The following TEX10 variants were observed in gnomAD, a reference collection of about 807,000 sequenced individuals.
TEX10 encodes testis-expressed protein 10.
Under a neutral mutation model 104.4 loss-of-function variants are expected in TEX10, and 24 were observed. That is an observed-to-expected ratio of 0.23 (90% CI 0.17 to 0.32). The LOEUF (loss-of-function observed/expected upper bound fraction) is 0.32, where lower values mean the gene tolerates loss of function less well. Among genes scored for constraint, TEX10 ranks in the 10% least tolerant of loss-of-function variants. The probability of loss-of-function intolerance (pLI) is 1.00; values close to 1 mark genes in which losing one functional copy is unlikely to be tolerated. For synonymous variants in TEX10, 396 were observed against 393.4 expected, an observed-to-expected ratio of 1.01 and a Z score of -0.08; for missense variants, 921 against 1,083.9, an observed-to-expected ratio of 0.85 and a Z score of 2.11.
chr9:100,308,950 T>A (rs1329248339), intron 12 of TEX10, among the ~76,000 whole-genome samples: 51 of 152,180 alleles, frequency 3.4e-4, no homozygotes, highest in Non-Finnish European at 4.4e-5. Flanking sequence ...TTCTAAATGT[T>A]CTATAAAATG....
intron 5 of TEX10, among the ~76,000 whole-genome samples, chr9:100,339,770 C>T (rs1835124967): frequency 6.6e-6 from 1 of 151,744 alleles, no homozygotes; most frequent in South Asian, 2.1e-4. Flanking sequence ...AATTTCTAGG[C>T]TTACTTTTTT....
In TEX10 at chr9:100,326,744, G is replaced by A. The variant is rs143260750; in HGVS notation, c.1802-265C>T. On this transcript the variant is annotated intron_variant, in intron 8 of 14. Coordinates refer to ENST00000374902, the MANE Select transcript of TEX10 (RefSeq NM_017746.4). Reference sequence around the variant, plus strand: ...TTGTTAGAAATAAAAACTTTCAGGGGGGTAATAAGGAAAAGAGATTGAATG... The same window carrying A: ...TTGTTAGAAATAAAAACTTTCAGGGAGGTAATAAGGAAAAGAGATTGAATG... Among the ~76,000 whole-genome samples the A allele has an allele frequency of 1.2e-3, 185 of 152,138 alleles. 5 individuals carry two copies. In the East Asian group the frequency reaches 0.032, roughly 26 times the overall value.
chr9:100,326,555 A>G, intron 8 of TEX10, 76 bp from the exon 9 acceptor site: 1 of 1,383,738 alleles, frequency 7.2e-7, no homozygotes, highest in Non-Finnish European at 9.7e-7. Flanking sequence ...CAGATCAATG[A>G]CTTCCATTGA....
Position 100,326,457 on chromosome 9 carries a change from C to T in TEX10, c.1824G>A (p.Val608=). ...GCTGCTGAGAGTCTGCAGGGAGAAC[C>T]ACCACAGCACCTTCTTGTGGATCTA... ...RIYDPQEGAV[V]VLPADSQQRL... The change falls in exon 9 of 15, where the codon GTG becomes GTA. Residue 608 remains valine, a synonymous_variant. Transcript: ENST00000374902. 5 of 1,613,402 alleles carry T rather than the reference C, an allele frequency of 3.1e-6. No individual in the cohort carries two copies. The highest frequency in any genetic ancestry group is 4.2e-6 in the Non-Finnish European group (5 of 1,179,772).
chr9:100,339,088 T>C (rs1835090175), intron 5 of TEX10, among the ~76,000 whole-genome samples: 1 of 150,790 alleles, frequency 6.6e-6, no homozygotes, highest in Non-Finnish European at 1.5e-5. Context: ...ACCCTGTCTC[T>C]ACTAAAAATA....
chr9:100,343,262 T>G (rs1350317710), intron 4 of TEX10, among the ~76,000 whole-genome samples: 3 of 129,388 alleles, frequency 2.3e-5, no homozygotes, highest in Admixed American at 8.2e-5. Flanking sequence ...TGCAACTAGA[T>G]GGGGGTAGGC....
chr9:100,319,107 G>A (rs540855334), intron 11 of TEX10, among the ~76,000 whole-genome samples: 91 of 151,772 alleles, frequency 6.0e-4, no homozygotes, highest in African/African-American at 9.2e-4. Flanking sequence ...CAGGAGAATC[G>A]CTTAAACCCG....
intron 4 of TEX10, among the ~76,000 whole-genome samples, chr9:100,343,599 A>T (rs926097996): frequency 1.4e-5 from 2 of 140,526 alleles, no homozygotes; most frequent in Non-Finnish European, 3.1e-5. Flanking sequence ...TAAAAAGTTT[A>T]AAAAAAAAAA....
chr9:100,311,045 A>G (rs1834268011), intron 11 of TEX10, among the ~76,000 whole-genome samples: 1 of 152,136 alleles, frequency 6.6e-6, no homozygotes, highest in Non-Finnish European at 1.5e-5. Flanking sequence ...GGAAACTATG[A>G]CTTTAAGCAA....
intron 7 of TEX10, 81 bp downstream of exon 7, chr9:100,329,059 T>C: frequency 7.4e-7 from 1 of 1,355,946 alleles, no homozygotes; most frequent in Non-Finnish European, 9.9e-7. Context: ...AAAGATTTAA[T>C]CTCTCTAAAA....
intron 5 of TEX10, among the ~76,000 whole-genome samples, chr9:100,336,501 A>G (rs146234333): frequency 6.6e-6 from 1 of 152,146 alleles, no homozygotes; most frequent in Non-Finnish European, 1.5e-5. Flanking sequence ...CCTTATGAGA[A>G]TCTAACACCT....
chr9:100,321,628 A>G, intron 10 of TEX10, 55 bp downstream of exon 10: 2 of 1,373,182 alleles, frequency 1.5e-6, no homozygotes, highest in Non-Finnish European at 2.1e-6. Context: ...TAGAAGGAGA[A>G]TTGTGATTCA....
In TEX10 at chr9:100,303,825, A is replaced by AC. The variant is rs767307629; in HGVS notation, c.2482dup (p.Val828GlyfsTer28). 4 of 1,613,306 alleles carry AC rather than the reference A, an allele frequency of 2.5e-6. No homozygotes were observed. The highest frequency in any genetic ancestry group is 2.5e-6 in the Non-Finnish European group (3 of 1,179,914). ...CAAGAGAGCCAGGATGGAGACACAG[A>AC]CCCCCCACAGCTTGTCCCTACAATA... On this transcript the variant is annotated frameshift_variant, in exon 14 of 15. Transcript: ENST00000374902. LOFTEE classifies it high-confidence loss of function.
At chr9:100,324,942 C>T (rs957825074) in intron 9 of TEX10, among the ~76,000 whole-genome samples, 1 of 152,108 alleles carries the variant, frequency 6.6e-6, no homozygotes, top group African/African-American at 2.4e-5. Context: ...ACATGGGAAA[C>T]TAATCAATAT....
At chr9:100,315,906 C>T (rs527459571) in intron 11 of TEX10, among the ~76,000 whole-genome samples, 1 of 152,142 alleles carries the variant, frequency 6.6e-6, no homozygotes, top group Non-Finnish European at 1.5e-5. Context: ...TGTATTCTCC[C>T]GAAGACTGCT....
chr9:100,303,869 CAGTG>C, intron 13 of TEX10, 27 bp from the exon 14 acceptor site: 2 of 1,610,338 alleles, frequency 1.2e-6, no homozygotes, highest in Non-Finnish European at 1.7e-6. Flanking sequence ...AGAAATGAGT[CAGTG>C]AGCAAATGCC....
intron 4 of TEX10, among the ~76,000 whole-genome samples, chr9:100,343,135 T>C: frequency 6.8e-6 from 1 of 147,610 alleles, no homozygotes; most frequent in African/African-American, 2.5e-5. Context: ...AGACTCCGTC[T>C]CCAAAAAAAA....
Position 100,329,292 on chromosome 9 carries a change from A to G in TEX10, c.1490-17T>C. 1 of 1,586,182 alleles carries G rather than the reference A, an allele frequency of 6.3e-7. No homozygotes were observed. The highest frequency in any genetic ancestry group is 1.4e-5 in the African/African-American group (1 of 73,068). On this transcript the variant is annotated splice_polypyrimidine_tract_variant and intron_variant, in intron 6 of 14. Coordinates refer to ENST00000374902, the MANE Select transcript of TEX10 (RefSeq NM_017746.4). ...CTGTGTCCTCTACAAACAGAAAGAAAACAACTTGCATATGAATCAAAAAAT... is the reference window on the plus strand; with the variant it reads ...CTGTGTCCTCTACAAACAGAAAGAAGACAACTTGCATATGAATCAAAAAAT...
chr9:100,352,601 C>T (rs1384186094), intron 1 of TEX10, 171 bp downstream of exon 1: 27 of 1,492,934 alleles, frequency 1.8e-5, no homozygotes, highest in Non-Finnish European at 2.3e-5. Context: ...CCCGCAGTGC[C>T]GGCCGCACAC....
Sources: allele counts gnomAD v4.1 joint callset (sites outside exome capture counted in the v4.1 genomes callset), GRCh38; gene constraint gnomAD v4.1.1; transcripts MANE v1.5; gene names NCBI Gene and HGNC (gene_info 2026-07-23, HGNC 2026-07-21).